SNX1: variants seen among roughly 807,000 people sequenced by gnomAD.
SNX1 encodes the protein sorting nexin-1.
SNX1 carries 36 observed loss-of-function variants against 71.8 expected under a neutral mutation model. The observed-to-expected ratio is 0.50, with a 90% CI of 0.38 to 0.66. SNX1 has a LOEUF of 0.66. Ranked by LOEUF, SNX1 falls within the 30% of genes least tolerant of loss-of-function variation. SNX1 has a pLI of 0.00. For missense variants in SNX1, 612 were observed against 646.7 expected, an observed-to-expected ratio of 0.95 and a Z score of 0.58; for synonymous variants, 254 against 240.7, an observed-to-expected ratio of 1.06 and a Z score of -0.51.
chr15:64,130,459 TA>T (rs960118163), intron 10 of SNX1, 138 bp downstream of exon 10: 73 of 693,360 alleles, frequency 1.1e-4, no homozygotes, highest in Middle Eastern at 2.6e-4. Context: ...GATGTTCTGA[TA>T]AAAAAAAGGT....
intron 1 of SNX1, among the ~76,000 whole-genome samples, chr15:64,099,164 T>C (rs2080933053): frequency 6.6e-6 from 1 of 152,184 alleles, no homozygotes; most frequent in Admixed American, 6.5e-5. Flanking sequence ...GGCTTTGAAG[T>C]CTGATTTAAA....
At chr15:64,098,689 C>CAAA (rs11448636) in intron 1 of SNX1, among the ~76,000 whole-genome samples, 2 of 100,226 alleles carry the variant, frequency 2.0e-5, no homozygotes, top group Non-Finnish European at 2.1e-5. Flanking sequence ...GACTCTCTCT[C>CAAA]AAAAAAAAAA....
intron 5 of SNX1, 136 bp downstream of exon 5, chr15:64,123,682 C>A (rs973512809): frequency 2.9e-6 from 2 of 688,534 alleles, no homozygotes; most frequent in Non-Finnish European, 5.0e-6. Flanking sequence ...ATAGAGCAAG[C>A]CTGCATCCCC....
At chr15:64,108,889 G>A (rs1388271181) in intron 1 of SNX1, among the ~76,000 whole-genome samples, 1 of 151,842 alleles carries the variant, frequency 6.6e-6, no homozygotes, top group Admixed American at 6.6e-5. Context: ...TCAGGAGGCT[G>A]AGGAAGGAGA....
In SNX1 at chr15:64,125,936, C is replaced by G. The variant is rs1464766376; in HGVS notation, c.511-143C>G. 1.2e-5 allele frequency: 10 copies of G among 842,678 alleles called. No homozygotes were observed. In the East Asian group the frequency reaches 1.5e-4, roughly 12 times the overall value. The allele number at this position is 842,678 out of a possible 1,614,324, so 52.2% of individuals were successfully genotyped here. A position where few individuals can be genotyped will look rare whatever the true frequency, so the allele number is the denominator to read the frequency against. ...CTATAGTTTTAAAAAGTTTAAGACT[C>G]TCTGCCTTGGAGAAAGTTATTTGCC... is the stretch of plus-strand genomic sequence containing the variant. On this transcript the variant is annotated intron_variant, in intron 5 of 14. Coordinates refer to ENST00000559844, the MANE Select transcript of SNX1 (RefSeq NM_003099.5).
intron 1 of SNX1, among the ~76,000 whole-genome samples, chr15:64,097,946 A>G (rs990275763): frequency 6.6e-6 from 1 of 152,260 alleles, no homozygotes; most frequent in Non-Finnish European, 1.5e-5. Context: ...AAGGTGCTTG[A>G]TAATTCTAAT....
At chr15:64,121,459 A>G (rs998630329) in intron 4 of SNX1, among the ~76,000 whole-genome samples, 2 of 152,142 alleles carry the variant, frequency 1.3e-5, no homozygotes, top group Admixed American at 6.5e-5. Context: ...AAGCGTCTCC[A>G]CATTGCCTTC....
chr15:64,101,513 C>A (rs1381910408), intron 1 of SNX1, among the ~76,000 whole-genome samples: 2 of 152,168 alleles, frequency 1.3e-5, no homozygotes, highest in Admixed American at 1.3e-4. Flanking sequence ...TGCCAGTGGA[C>A]ATTTGGGTTT....
chr15:64,105,693 C>A (rs1050126825), intron 1 of SNX1, among the ~76,000 whole-genome samples: 1 of 152,138 alleles, frequency 6.6e-6, no homozygotes, highest in Non-Finnish European at 1.5e-5. Flanking sequence ...GGTTGAGACC[C>A]AAAAAGTTTA....
At chr15:64,125,957 T>C (rs1314038765) in intron 5 of SNX1, 122 bp from the exon 6 acceptor site, 1 of 1,007,572 alleles carries the variant, frequency 9.9e-7, no homozygotes, top group East Asian at 2.4e-5. Context: ...AGAAAGTTAT[T>C]TGCCAGGTGA....
intron 1 of SNX1, among the ~76,000 whole-genome samples, chr15:64,096,638 C>T (rs918839828): frequency 6.6e-6 from 1 of 152,208 alleles, no homozygotes; most frequent in East Asian, 1.9e-4. Context: ...CCAGCATTTA[C>T]CGATAATAAC....
At chr15:64,123,209 T>C (rs769226605) in intron 4 of SNX1, among the ~76,000 whole-genome samples, 6 of 152,238 alleles carry the variant, frequency 3.9e-5, no homozygotes, top group Non-Finnish European at 8.8e-5. Flanking sequence ...TATCCAGTGC[T>C]GCTTTGTGGA....
In SNX1 at chr15:64,134,563, A is replaced by T; in HGVS notation, c.1222-101A>T. ...GTGGCTGCAGAACCTGCCCTTGCTC[A>T]GTCTGTCCCTGGTGCAGCTGCTGGG... On this transcript the variant is annotated intron_variant, in intron 11 of 14. Coordinates refer to ENST00000559844, the MANE Select transcript of SNX1 (RefSeq NM_003099.5). The surrounding 1 kb of genome is among the most constrained non-coding windows in gnomAD (Gnocchi z 4.1). 1 of 1,395,412 alleles carries T rather than the reference A, an allele frequency of 7.2e-7. No homozygotes were observed. Among genetic ancestry groups the T allele is most frequent in the Non-Finnish European group, 9.7e-7 (1 of 1,030,908 alleles). The allele number at this position is 1,395,412 out of a possible 1,614,324, so 86.4% of individuals were successfully genotyped here.
chr15:64,124,147 C>CATATATATATATATATATATATATAT (rs10523424), intron 5 of SNX1, among the ~76,000 whole-genome samples: 25 of 105,408 alleles, frequency 2.4e-4, no homozygotes, highest in African/African-American at 5.5e-4. Context: ...GAAATCTTTA[C>CATATATATATATATATATATATATAT]ATATATATAT....
At chr15:64,132,730 TATCTCCC>T (rs1380251774) in intron 11 of SNX1, among the ~76,000 whole-genome samples, 3 of 152,168 alleles carry the variant, frequency 2.0e-5, no homozygotes, top group Non-Finnish European at 4.4e-5. Context: ...GTCCCCAACA[TATCTCCC>T]ATTAGGGAGC....
In SNX1 at chr15:64,118,790, A is replaced by G. The variant is rs1270904690; in HGVS notation, c.402A>G (p.Leu134=). 1 of 1,612,078 alleles carries G rather than the reference A, an allele frequency of 6.2e-7. No homozygotes were observed. Among genetic ancestry groups the G allele is most frequent in the Non-Finnish European group, 8.5e-7 (1 of 1,178,624 alleles). Residue 134 remains leucine (L), a splice_region_variant and synonymous_variant, in exon 4 of 15, where the codon CTA becomes CTG. Coordinates refer to ENST00000559844, the MANE Select transcript of SNX1 (RefSeq NM_003099.5). ...TGATTTGTCTTTTCTTGAAAAAGCTAGAGGAAGAAGAACAGGAGGATCAAT... is the reference window on the plus strand; with the variant it reads ...TGATTTGTCTTTTCTTGAAAAAGCTGGAGGAAGAAGAACAGGAGGATCAAT... ...SSKPQPTYEE[L]EEEEQEDQFD... is the part of the protein sequence containing the mutation.
At chr15:64,122,909 T>G (rs1005660614) in intron 4 of SNX1, among the ~76,000 whole-genome samples, 2 of 152,126 alleles carry the variant, frequency 1.3e-5, no homozygotes. Context: ...AAGGGAGATT[T>G]GTGTGACATT....
chr15:64,101,992 T>G (rs1322605407), intron 1 of SNX1, among the ~76,000 whole-genome samples: 7 of 152,194 alleles, frequency 4.6e-5, no homozygotes, highest in African/African-American at 1.2e-4. Flanking sequence ...TATTGAAATA[T>G]CACTCAGAAT....
At chr15:64,111,234 G>A (rs998729255) in intron 1 of SNX1, among the ~76,000 whole-genome samples, 2 of 152,168 alleles carry the variant, frequency 1.3e-5, no homozygotes, top group Non-Finnish European at 2.9e-5. Context: ...TCCTGTTTCT[G>A]TCTTTCTGCA....
Sources: gnomAD v4.1 joint callset for allele counts (sites outside exome capture counted in the v4.1 genomes callset) on GRCh38, gnomAD v4.1.1 for gene constraint, Gnocchi (gnomAD v3.1) non-coding constraint, MANE v1.5 for transcripts, NCBI Gene and HGNC (gene_info 2026-07-23, HGNC 2026-07-21) for gene names.